The following ANKRD44 variants were observed in gnomAD, a reference collection of about 807,000 sequenced individuals.
ANKRD44 encodes the protein ankyrin repeat domain 44.
In ANKRD44, 35 loss-of-function variants were observed where a neutral mutation model predicts 116.0. That is an observed-to-expected ratio of 0.30 (90% CI 0.23 to 0.40). The LOEUF (loss-of-function observed/expected upper bound fraction) is 0.40, where lower values mean the gene tolerates loss of function less well. Among genes scored for constraint, ANKRD44 ranks in the 10% least tolerant of loss-of-function variants. The pLI is 1.00. For synonymous variants in ANKRD44, 435 were observed against 461.8 expected (o/e 0.94, Z 0.74); for missense variants, 1,014 against 1,242.6 (o/e 0.82, Z 2.77).
chr2:197,201,889 C>T lies in ANKRD44; in HGVS notation c.28-14783G>A, dbSNP rs2081098765. Among the ~76,000 whole-genome samples, 1 of 152,202 alleles carries T rather than the reference C, an allele frequency of 6.6e-6. No homozygotes were observed. The highest frequency in any genetic ancestry group is 1.5e-5 in the Non-Finnish European group (1 of 68,038). The stretch of plus-strand genomic sequence containing the variant: ...ATTCCCATCTTTGTGTCCTTGTGTA[C>T]CCAATGCTCAGCTCCCACTTGTAAG... On this transcript the variant is annotated intron_variant, in intron 1 of 27. Coordinates refer to ENST00000282272, the MANE Select transcript of ANKRD44 (RefSeq NM_001195144.2). The surrounding 1 kb of genome is among the most constrained non-coding windows in gnomAD (Gnocchi z 4.0).
rs998805615 is a variant in ANKRD44, at chr2:197,040,252, A to C, written c.1651-14985T>G. Among the ~76,000 whole-genome samples the C allele has an allele frequency of 4.6e-5, 7 of 151,366 alleles. No individual in the cohort carries two copies. In the East Asian group the frequency reaches 1.4e-3, roughly 30 times the overall value. The stretch of plus-strand genomic sequence containing the variant: ...GGCGAGACACCATCTCAACAAAAAA[A>C]CAAAACAAAACAAAAAAACAGGCCC... On this transcript the variant is annotated intron_variant, in intron 16 of 27. Coordinates refer to ENST00000282272, the MANE Select transcript of ANKRD44 (RefSeq NM_001195144.2).
chr2:197,013,582 G>C lies in ANKRD44; in HGVS notation c.1853C>G (p.Ala618Gly), dbSNP rs145800695. Residue 618 changes from alanine to glycine, a missense_variant, in exon 18 of 28, where the codon GCG becomes GGG. Ala to Gly is a moderately conservative substitution (Grantham distance 60, BLOSUM62 0). Coordinates refer to ENST00000282272, the MANE Select transcript of ANKRD44 (RefSeq NM_001195144.2). ...AFKGHTECVE[A>G]LINQGASIFV... ...GATGGATGCGCCCTGATTGATAAGC[G>C]CTTCCACACATTCTGTGTGTCCTTT... The C allele has an allele frequency of 4.7e-5, 76 of 1,614,004 alleles. No individual in the cohort carries two copies. Among genetic ancestry groups the C allele is most frequent in the Non-Finnish European group, 6.1e-5 (72 of 1,180,042 alleles).
At chr2:197,096,741 T>C (rs1049026966) in intron 10 of ANKRD44, among the ~76,000 whole-genome samples, 1 of 152,246 alleles carries the variant, frequency 6.6e-6, no homozygotes, top group African/African-American at 2.4e-5. Flanking sequence ...TTTTCTCCTC[T>C]TTAATAATCC....
intron 20 of ANKRD44, among the ~76,000 whole-genome samples, chr2:197,007,015 A>G (rs773067225): frequency 2.0e-5 from 3 of 151,886 alleles, no homozygotes; most frequent in Non-Finnish European, 4.4e-5. Flanking sequence ...TTGAGGTGGG[A>G]GGATCATTGA....
intron 1 of ANKRD44, among the ~76,000 whole-genome samples, chr2:197,292,336 G>A (rs980197968): frequency 1.3e-5 from 2 of 152,146 alleles, no homozygotes; most frequent in African/African-American, 4.8e-5. Flanking sequence ...TCCAGCACCT[G>A]CGGTTTCCTG....
intron 21 of ANKRD44, among the ~76,000 whole-genome samples, chr2:197,003,310 G>GA (rs201058147): frequency 1.2e-4 from 17 of 146,988 alleles, no homozygotes; most frequent in Middle Eastern, 3.5e-3. Context: ...TACACCCCTA[G>GA]AAAAAAAAAA....
chr2:197,224,516 C>A (rs893032730), intron 1 of ANKRD44, among the ~76,000 whole-genome samples: 1 of 152,184 alleles, frequency 6.6e-6, no homozygotes, highest in African/African-American at 2.4e-5. Flanking sequence ...TCATAGCAAT[C>A]TCTCCATTAA....
At chr2:197,001,659 T>C (rs1054690517) in intron 22 of ANKRD44, 94 bp downstream of exon 22, 5 of 828,536 alleles carry the variant, frequency 6.0e-6, no homozygotes, top group South Asian at 1.9e-5. Flanking sequence ...GTCTTATCTG[T>C]AATCTAAAAG....
At chr2:197,003,153 CA>C (rs112739121) in intron 21 of ANKRD44, among the ~76,000 whole-genome samples, 5,600 of 138,790 alleles carry the variant, frequency 0.04, 122 homozygotes, top group South Asian at 0.064. Flanking sequence ...CTAAAAATAC[CA>C]AAAAAAAAAA....
At chr2:197,077,809 C>A (rs562545803) in intron 16 of ANKRD44, 4 of 152,266 alleles carry the variant, frequency 2.6e-5, no homozygotes, top group African/African-American at 9.6e-5. Flanking sequence ...CTCCTCCTAA[C>A]CGTTTTTGAA....
intron 2 of ANKRD44, among the ~76,000 whole-genome samples, chr2:197,168,476 A>T (rs1357746848): frequency 6.6e-6 from 1 of 152,208 alleles, no homozygotes; most frequent in Non-Finnish European, 1.5e-5. Context: ...AACAAGATTT[A>T]TTAAACCCCA....
chr2:197,280,691 T>A (rs2083238926), intron 1 of ANKRD44, among the ~76,000 whole-genome samples: 1 of 152,176 alleles, frequency 6.6e-6, no homozygotes, highest in Non-Finnish European at 1.5e-5. Context: ...ACTTGATTGC[T>A]GAAAATGTAA....
intron 18 of ANKRD44, among the ~76,000 whole-genome samples, chr2:197,011,723 T>G (rs2076305322): frequency 6.6e-6 from 1 of 152,182 alleles, no homozygotes; most frequent in Admixed American, 6.5e-5. Context: ...TCTGCCCTCC[T>G]CGGCCTTCCA....
At chr2:196,974,983 A>T (rs1366806671) in intron 21 of ANKRD44, among the ~76,000 whole-genome samples, 1 of 152,150 alleles carries the variant, frequency 6.6e-6, no homozygotes, top group Non-Finnish European at 1.5e-5. Context: ...TAACAAAAAT[A>T]AATGAAATAG....
At chr2:197,289,007 T>C (rs1389922242) in intron 1 of ANKRD44, among the ~76,000 whole-genome samples, 2 of 152,190 alleles carry the variant, frequency 1.3e-5, no homozygotes, top group East Asian at 1.9e-4. Context: ...AGGGTAATTA[T>C]ACCTAGCAAC....
rs530852041 is a variant in ANKRD44, at chr2:197,310,360, A to T, written c.27+218T>A. 4.8e-4 allele frequency among the ~76,000 whole-genome samples: 68 copies of T among 140,670 alleles called. 1 individual carries two copies. The highest frequency in any genetic ancestry group is 8.8e-4 in the Non-Finnish European group (57 of 64,716). 92.3% of individuals were successfully genotyped at this position (140,670 alleles called of 152,430 possible). ...CCAGCGCCCACGGGCCCTGCCCCAG[A>T]CTCGGGCGCGCAGTTCCGACGGCCC... is the stretch of plus-strand genomic sequence containing the variant. On this transcript the variant is annotated intron_variant, in intron 1 of 27. Transcript: ENST00000282272.
chr2:197,120,778 C>T (rs2078833422), intron 8 of ANKRD44, among the ~76,000 whole-genome samples: 1 of 152,148 alleles, frequency 6.6e-6, no homozygotes, highest in Non-Finnish European at 1.5e-5. Flanking sequence ...CCTATCAGCT[C>T]AACATTCACC....
chr2:197,243,815 C>T (rs1326652819), intron 1 of ANKRD44, among the ~76,000 whole-genome samples: 2 of 152,136 alleles, frequency 1.3e-5, no homozygotes, highest in African/African-American at 4.8e-5. Context: ...CTAATCACTC[C>T]CAAAGGCTCC....
At chr2:197,281,098 TGC>T (rs2083251392) in intron 1 of ANKRD44, among the ~76,000 whole-genome samples, 2 of 152,148 alleles carry the variant, frequency 1.3e-5, no homozygotes, top group African/African-American at 4.8e-5. Context: ...ATTCTCCTTG[TGC>T]AGTTCTTCAA....
Sources: gnomAD v4.1 joint callset for allele counts (sites outside exome capture counted in the v4.1 genomes callset) on GRCh38, gnomAD v4.1.1 for gene constraint, Gnocchi (gnomAD v3.1) non-coding constraint, MANE v1.5 for transcripts, NCBI Gene and HGNC (gene_info 2026-07-23, HGNC 2026-07-21) for gene names.